Variants in CCNF observed in about 807,000 individuals in gnomAD.
CCNF encodes cyclin-F.
Under a neutral mutation model 85.4 loss-of-function variants are expected in CCNF, and 30 were observed. The observed-to-expected ratio is 0.35, with a 90% CI of 0.26 to 0.48. The LOEUF (loss-of-function observed/expected upper bound fraction) is 0.48. Ranked by LOEUF, CCNF falls within the 20% of genes least tolerant of loss-of-function variation. The probability of loss-of-function intolerance (pLI) is 0.99; values close to 1 mark genes in which losing one functional copy is unlikely to be tolerated. For missense variants in CCNF, 919 were observed against 1,010.4 expected, an observed-to-expected ratio of 0.91 and a Z score of 1.23; for synonymous variants, 439 against 425.1, an observed-to-expected ratio of 1.03 and a Z score of -0.40.
intron 6 of CCNF, among the ~76,000 whole-genome samples, chr16:2,438,668 G>A (rs893464926): frequency 2.0e-5 from 3 of 151,490 alleles, no homozygotes; most frequent in Non-Finnish European, 2.9e-5. Flanking sequence ...GTATGGAAAA[G>A]GAGGAAGATG....
Position 2,439,781 on chromosome 16 carries a change from C to T in CCNF, c.732C>T (p.Phe244=). The part of the protein sequence containing the change: ...VSDPGRCLHS[F]RKLRDYAAKG... ...ATCCTGGGCGATGCCTCCACAGCTTCCGAAAACTCAGGGACTACGCTGCCA... is the reference window on the plus strand; with the variant it reads ...ATCCTGGGCGATGCCTCCACAGCTTTCGAAAACTCAGGGACTACGCTGCCA... The change falls in exon 8 of 17, where the codon TTC becomes TTT. Residue 244 remains phenylalanine, a synonymous_variant. Transcript: ENST00000397066. 6.2e-7 allele frequency: 1 copy of T among 1,614,198 alleles called. No homozygotes were observed. The highest frequency in any genetic ancestry group is 8.5e-7 in the Non-Finnish European group (1 of 1,180,046).
chr16:2,432,176 G>A (rs2065266289), intron 2 of CCNF, among the ~76,000 whole-genome samples: 1 of 152,118 alleles, frequency 6.6e-6, no homozygotes, highest in Non-Finnish European at 1.5e-5. Context: ...TTAAAAAATA[G>A]GATAGTGTTT....
rs140530762 is a variant in CCNF, at chr16:2,432,163, C to G, written c.172-798C>G. ...CCTTTTATGGCAGTGAAATTTGCAT[C>G]CCTTAAAAAATAGGATAGTGTTTAA... On this transcript the variant is annotated intron_variant, in intron 2 of 16. Transcript: ENST00000397066. Among the ~76,000 whole-genome samples, 10 of 152,182 alleles carry G rather than the reference C, an allele frequency of 6.6e-5. No individual in the cohort carries two copies. In the East Asian group the frequency reaches 1.9e-3, roughly 29 times the overall value.
chr16:2,453,102 C>G lies in CCNF; in HGVS notation c.1488-108C>G. On this transcript the variant is annotated intron_variant, in intron 13 of 16. Coordinates refer to ENST00000397066, the MANE Select transcript of CCNF (RefSeq NM_001761.3). This position sits in a 1 kb window ranked among gnomAD's most constrained non-coding sequence, Gnocchi z 5.6. ...ATTCGGGGAACTGCCAGGTCAGATT[C>G]CAGAGTGACTGCACCATTTTGCATT... is the stretch of plus-strand genomic sequence containing the variant. 1 of 900,500 alleles carries G rather than the reference C, an allele frequency of 1.1e-6. No individual in the cohort carries two copies. The highest frequency in any genetic ancestry group is 1.8e-6 in the Non-Finnish European group (1 of 550,710). 55.8% of individuals were successfully genotyped at this position (900,500 alleles called of 1,614,324 possible). A position where few individuals can be genotyped will look rare whatever the true frequency, so the allele number is the denominator to read the frequency against.
intron 11 of CCNF, 131 bp from the exon 12 acceptor site, chr16:2,449,151 G>A (rs1356220813): frequency 7.0e-7 from 1 of 1,429,300 alleles, no homozygotes; most frequent in South Asian, 1.2e-5. Flanking sequence ...GTCGCCATCT[G>A]CGCTGGTGCG....
At chr16:2,436,988 G>T (rs1033069110) in intron 4 of CCNF, 141 bp from the exon 5 acceptor site, 2 of 571,728 alleles carry the variant, frequency 3.5e-6, no homozygotes, top group South Asian at 3.2e-5. Flanking sequence ...CCCCATCCTG[G>T]AGGGCTCTAC....
At position 2,430,687 on chromosome 16, in the gene CCNF, C is replaced by T. The variant is rs552710005; in HGVS notation, c.17-443C>T. Among the ~76,000 whole-genome samples, 11 of 152,278 alleles carry T rather than the reference C, an allele frequency of 7.2e-5. No individual in the cohort carries two copies. In the South Asian group the frequency reaches 2.3e-3, roughly 32 times the overall value. On this transcript the variant is annotated intron_variant, in intron 1 of 16. Transcript: ENST00000397066. ...GACTTGAAAACCAGACTCTTCAAGC[C>T]CACAGATCTTTATTGAACATTATGC...
intron 9 of CCNF, 149 bp from the exon 10 acceptor site, chr16:2,445,309 A>T: frequency 3.4e-6 from 3 of 871,988 alleles, no homozygotes; most frequent in Non-Finnish European, 5.4e-6. Flanking sequence ...TTCCTGTGAC[A>T]TGGCCTCTCC....
intron 10 of CCNF, among the ~76,000 whole-genome samples, chr16:2,447,994 C>G (rs758226199): frequency 1.3e-5 from 2 of 152,258 alleles, no homozygotes; most frequent in Non-Finnish European, 2.9e-5. Flanking sequence ...GGGACTTGGC[C>G]TCAGTCCAAG....
In CCNF at chr16:2,455,383, TC is replaced by T. The variant is rs1567391828; in HGVS notation, c.1716-10del. 1.9e-6 allele frequency: 3 copies of T among 1,572,498 alleles called. No homozygotes were observed. The South Asian group carries it at 3.4e-5, about 18-fold the overall frequency. On this transcript the variant is annotated splice_polypyrimidine_tract_variant and intron_variant, in intron 15 of 16. Transcript: ENST00000397066. ...CCATGACTGGGTCTCCTGGGCTCTC[TC>T]CACCTTGCAGGAAGCGGGAGAACAG...
chr16:2,437,902 T>TA (rs2065300002), intron 5 of CCNF, 168 bp from the exon 6 acceptor site: 219 of 466,194 alleles, frequency 4.7e-4, no homozygotes, highest in East Asian at 9.5e-4. Context: ...CTGTTTCCCT[T>TA]TAAAAAAAAA....
chr16:2,453,471 C>A lies in CCNF; in HGVS notation c.1649C>A (p.Pro550Gln). The change falls in exon 15 of 17, where the codon CCG (proline) becomes CAG (glutamine). Residue 550 changes from proline (P) to glutamine (Q), a missense_variant. Pro to Gln is a moderately conservative substitution (Grantham distance 76). Around this residue, in one of 3 missense-constraint regions of CCNF, gnomAD observed 505 missense variants for 514.8 expected, o/e 0.98. Transcript: ENST00000397066. The surrounding 1 kb of genome is among the most constrained non-coding windows in gnomAD (Gnocchi z 5.6). ...GTGACACAAGACAGCCCCGACCCCC[C>A]GACTTTCCTCAGCACAGGGGAGATC... The part of the protein sequence containing the change: ...LGVTQDSPDP[P>Q]TFLSTGEIHA... 1 of 1,614,104 alleles carries A rather than the reference C, an allele frequency of 6.2e-7. No homozygotes were observed. Among genetic ancestry groups the A allele is most frequent in the African/African-American group, 1.3e-5 (1 of 75,042 alleles).
At position 2,453,790 on chromosome 16, in the gene CCNF, GATGGTTTCGAGCACGCGGGAGCCT is replaced by G. The variant is rs1246875614; in HGVS notation, c.1715+255_1715+278del. Among the ~76,000 whole-genome samples the G allele has an allele frequency of 1.3e-5, 2 of 152,218 alleles. No homozygotes were observed. The highest frequency in any genetic ancestry group is 2.9e-5 in the Non-Finnish European group (2 of 68,040). The stretch of plus-strand genomic sequence containing the variant: ...TCTGACTGGGCTCCCTGTGGAGGAA[GATGGTTTCGAGCACGCGGGAGCCT>G]AGCCTGGCTCTAGCCCTGCCCGTGC... On this transcript the variant is annotated intron_variant, in intron 15 of 16. Transcript: ENST00000397066. This position sits in a 1 kb window ranked among gnomAD's most constrained non-coding sequence, Gnocchi z 5.6.
intron 1 of CCNF, among the ~76,000 whole-genome samples, chr16:2,430,699 A>G (rs2065258043): frequency 6.6e-6 from 1 of 152,114 alleles, no homozygotes; most frequent in African/African-American, 2.4e-5. Context: ...ACAGATCTTT[A>G]TTGAACATTA....
intron 8 of CCNF, among the ~76,000 whole-genome samples, chr16:2,443,145 GTATATAATATATATTA>G (rs1401157867): frequency 1.6e-5 from 2 of 124,002 alleles, no homozygotes; most frequent in Non-Finnish European, 3.2e-5. Context: ...GTTTTATATT[GTATATAATATATATTA>G]TATATAATAT....
chr16:2,454,521 C>A (rs915711772), intron 15 of CCNF, among the ~76,000 whole-genome samples: 4 of 152,234 alleles, frequency 2.6e-5, no homozygotes, highest in African/African-American at 9.6e-5. Context: ...TGAGACAGAC[C>A]CCCACGGGTG....
chr16:2,448,734 A>T, intron 10 of CCNF, 121 bp from the exon 11 acceptor site: 1 of 863,642 alleles, frequency 1.2e-6, no homozygotes. Flanking sequence ...TCTGTTTGTC[A>T]CCAAAGCCCA....
chr16:2,449,448 T>A lies in CCNF; in HGVS notation c.1385T>A (p.Leu462Gln). The change falls in exon 12 of 17, where the codon CTG becomes CAG. Residue 462 changes from leucine to glutamine, a missense_variant. Physicochemically the swap from Leu to Gln is moderately radical, Grantham distance 113. This residue lies in a region of CCNF where 505 missense variants were observed against 514.8 expected (regional missense o/e 0.98). Coordinates refer to ENST00000397066, the MANE Select transcript of CCNF (RefSeq NM_001761.3). The part of the protein sequence containing the change: ...LAAAALLLAR[L>Q]THGQTQPWTT... ...GCCGCAGCCCTGCTCCTGGCCAGAC[T>A]GACGCACGGGCAGAGTAAGGAGTGG... is the stretch of plus-strand genomic sequence containing the variant. 1 of 1,605,626 alleles carries A rather than the reference T, an allele frequency of 6.2e-7. No homozygotes were observed. The highest frequency in any genetic ancestry group is 1.7e-4 in the Middle Eastern group (1 of 6,026).
Position 2,445,602 on chromosome 16 carries a change from C to T in CCNF, c.1074C>T (p.Ala358=), listed in dbSNP as rs1434648287. Residue 358 remains alanine, a synonymous_variant, in exon 10 of 17, where the codon GCC becomes GCT. Transcript: ENST00000397066. ...ACAGGCTCCAGCTGCTGGGCATCGCCTGCATGGTCATCTGCACCCGGTGAG... is the reference window on the plus strand; with the variant it reads ...ACAGGCTCCAGCTGCTGGGCATCGCTTGCATGGTCATCTGCACCCGGTGAG... ...PRYRLQLLGI[A]CMVICTRFIS... is the part of the protein sequence containing the mutation. 4 of 1,612,702 alleles carry T rather than the reference C, an allele frequency of 2.5e-6. No individual in the cohort carries two copies. The highest frequency in any genetic ancestry group is 3.4e-6 in the Non-Finnish European group (4 of 1,180,020).
Sources: allele counts gnomAD v4.1 joint callset (sites outside exome capture counted in the v4.1 genomes callset), GRCh38; gene constraint gnomAD v4.1.1; regional missense constraint gnomAD v4.1.1; non-coding constraint Gnocchi (gnomAD v3.1); transcripts MANE v1.5; gene names NCBI Gene and HGNC (gene_info 2026-07-23, HGNC 2026-07-21).